The following IPO11 variants were observed in gnomAD, a reference collection of about 807,000 sequenced individuals.
IPO11 encodes importin 11, also known as importin-11.
A neutral mutation model predicts 143.2 loss-of-function variants in IPO11; 66 were observed. The ratio of observed to expected loss-of-function variants is 0.46; its 90% CI spans 0.38 to 0.57. The LOEUF (loss-of-function observed/expected upper bound fraction) is 0.57. Ranked by LOEUF, IPO11 falls within the 20% of genes least tolerant of loss-of-function variation. The pLI is 0.00. For synonymous variants in IPO11, 385 were observed against 377.8 expected, an observed-to-expected ratio of 1.02 and a Z score of -0.22; for missense variants, 1,026 against 1,141.0, an observed-to-expected ratio of 0.90 and a Z score of 1.45.
At chr5:62,465,847 C>T (rs1210680221) in intron 5 of IPO11, among the ~76,000 whole-genome samples, 1 of 152,194 alleles carries the variant, frequency 6.6e-6, no homozygotes, top group Non-Finnish European at 1.5e-5. Context: ...GTGCCAGCTT[C>T]CTGTGGGCCT....
In IPO11 at chr5:62,580,355, A is replaced by C; in HGVS notation, c.2583-11222A>C. The C allele has an allele frequency of 3.2e-6, 5 of 1,545,230 alleles. No homozygotes were observed. Among genetic ancestry groups the C allele is most frequent in the South Asian group, 2.4e-5 (2 of 83,922 alleles). ...TTGTTAAAGAATTTAATTTACCTTA[A>C]GTTAGATAGAAACAGAATAATTAGC... is the stretch of plus-strand genomic sequence containing the variant. On this transcript the variant is annotated intron_variant, in intron 27 of 29. Coordinates refer to ENST00000325324, the MANE Select transcript of IPO11 (RefSeq NM_016338.5).
chr5:62,510,155 A>G (rs13173513), intron 19 of IPO11, among the ~76,000 whole-genome samples: 6 of 152,184 alleles, frequency 3.9e-5, no homozygotes, highest in African/African-American at 1.4e-4. Context: ...AATGACTGCA[A>G]AAACTTTCTT....
intron 28 of IPO11, among the ~76,000 whole-genome samples, chr5:62,599,826 C>G (rs1745435918): frequency 1.3e-5 from 2 of 152,178 alleles, no homozygotes; most frequent in African/African-American, 4.8e-5. Flanking sequence ...TCTGTTAATT[C>G]TTACGTATCT....
At chr5:62,566,389 GT>G (rs759092790) in intron 27 of IPO11, among the ~76,000 whole-genome samples, 1 of 151,816 alleles carries the variant, frequency 6.6e-6, no homozygotes, top group Non-Finnish European at 1.5e-5. Context: ...ATGATGTTGA[GT>G]TTTTTTTCAT....
At chr5:62,626,061 G>A (rs773771147) in intron 29 of IPO11, among the ~76,000 whole-genome samples, 1 of 150,384 alleles carries the variant, frequency 6.6e-6, no homozygotes, top group Non-Finnish European at 1.5e-5. Flanking sequence ...ACGGAGTCTC[G>A]CTCTGTCACC....
chr5:62,443,928 A>T (rs538551105), intron 3 of IPO11, among the ~76,000 whole-genome samples: 3 of 152,274 alleles, frequency 2.0e-5, no homozygotes, highest in African/African-American at 7.2e-5. Flanking sequence ...TTTCCAGTAG[A>T]TGGCACTATA....
At chr5:62,525,022 T>A (rs1009820137) in intron 20 of IPO11, among the ~76,000 whole-genome samples, 3 of 152,212 alleles carry the variant, frequency 2.0e-5, no homozygotes, top group Non-Finnish European at 4.4e-5. Flanking sequence ...TAACAGTAAT[T>A]CAGCAAACTA....
At chr5:62,596,274 A>AAAAAAAAAAAAAAAAAAAAG (rs1554057521) in intron 28 of IPO11, among the ~76,000 whole-genome samples, 4 of 150,902 alleles carry the variant, frequency 2.7e-5, no homozygotes, top group African/African-American at 7.4e-5. Context: ...GTCTCAAAAA[A>AAAAAAAAAAAAAAAAAAAAG]AAAAAAAAAG....
chr5:62,418,189 G>C (rs1743371318), intron 1 of IPO11, among the ~76,000 whole-genome samples: 1 of 150,562 alleles, frequency 6.6e-6, no homozygotes, highest in Non-Finnish European at 1.5e-5. Flanking sequence ...CTTTGAGAGA[G>C]AGTTTCACTC....
chr5:62,415,151 A>G (rs1743242403), intron 1 of IPO11, among the ~76,000 whole-genome samples: 1 of 152,166 alleles, frequency 6.6e-6, no homozygotes, highest in Non-Finnish European at 1.5e-5. Flanking sequence ...CATGGTGGCT[A>G]TTAACCCACC....
rs76835483 is a variant in IPO11, at chr5:62,615,922, A to T, written c.2764-11232A>T. ...TTTGTTTGATTACATGGCATCTAGC[A>T]CAAGTGACTGCAATCTGGTTATTTA... On this transcript the variant is annotated intron_variant, in intron 29 of 29. Transcript: ENST00000325324. Among the ~76,000 whole-genome samples the T allele has an allele frequency of 7.9e-3, 1,201 of 152,326 alleles. 9 individuals carry two copies. Among genetic ancestry groups the T allele is most frequent in the Middle Eastern group, 0.02 (6 of 294 alleles).
intron 27 of IPO11, among the ~76,000 whole-genome samples, chr5:62,566,685 C>T (rs1318231049): frequency 6.7e-6 from 1 of 150,254 alleles, no homozygotes; most frequent in African/African-American, 2.5e-5. Flanking sequence ...TTGCAGTGAG[C>T]CAAAATCGTA....
intron 29 of IPO11, among the ~76,000 whole-genome samples, chr5:62,605,606 G>C (rs188360228): frequency 6.6e-6 from 1 of 151,402 alleles, no homozygotes; most frequent in African/African-American, 2.4e-5. Context: ...TTAGTTTTTT[G>C]TAATTTTTTG....
At chr5:62,488,866 G>C (rs1304584610) in intron 13 of IPO11, among the ~76,000 whole-genome samples, 1 of 151,844 alleles carries the variant, frequency 6.6e-6, no homozygotes, top group Non-Finnish European at 1.5e-5. Context: ...AGCTGGGCCT[G>C]GTGGTTAGTA....
intron 5 of IPO11, among the ~76,000 whole-genome samples, chr5:62,452,896 G>T (rs1469230658): frequency 6.6e-6 from 1 of 150,550 alleles, no homozygotes; most frequent in Non-Finnish European, 1.5e-5. Flanking sequence ...AGGACTACAG[G>T]TACATGCCAC....
chr5:62,526,219 T>A lies in IPO11; in HGVS notation c.1974T>A (p.Pro658=), dbSNP rs768052254. The A allele has an allele frequency of 7.4e-6, 12 of 1,613,518 alleles. 1 individual carries two copies. The South Asian group carries it at 1.3e-4, about 18-fold the overall frequency. The stretch of plus-strand genomic sequence containing the variant: ...AACTGAGTACAGATGTTTCACAGCC[T>A]CCACATGTTTATCTTCTGGAAGATG... The part of the protein sequence containing the change: ...VIQLSTDVSQ[P]PHVYLLEDGL... The change falls in exon 21 of 30, where the codon CCT becomes CCA. Residue 658 remains proline, a synonymous_variant. Transcript: ENST00000325324.
intron 22 of IPO11, among the ~76,000 whole-genome samples, chr5:62,534,532 T>C (rs1742670481): frequency 6.6e-6 from 1 of 152,182 alleles, no homozygotes; most frequent in Admixed American, 6.5e-5. Context: ...ACTAAAGATA[T>C]GAATCATATA....
At chr5:62,474,566 TATTC>T (rs1263411100) in intron 8 of IPO11, 102 bp downstream of exon 8, 1 of 806,218 alleles carries the variant, frequency 1.2e-6, no homozygotes, top group African/African-American at 1.8e-5. Flanking sequence ...AATAGATGCT[TATTC>T]ATTAATAGCT....
intron 16 of IPO11, among the ~76,000 whole-genome samples, chr5:62,500,130 C>A (rs1283279996): frequency 1.3e-5 from 2 of 152,100 alleles, no homozygotes; most frequent in Non-Finnish European, 2.9e-5. Context: ...ACAAAAAATA[C>A]AAAAATTAGC....
Sources: gnomAD v4.1 joint callset for allele counts (sites outside exome capture counted in the v4.1 genomes callset) on GRCh38, gnomAD v4.1.1 for gene constraint, MANE v1.5 for transcripts, NCBI Gene and HGNC (gene_info 2026-07-23, HGNC 2026-07-21) for gene names.